The following TRMT2B variants were observed in gnomAD, a reference collection of about 807,000 sequenced individuals.
TRMT2B encodes tRNA (uracil-5-)-methyltransferase homolog B.
Under a neutral mutation model 39.7 loss-of-function variants are expected in TRMT2B, and 34 were observed. The ratio of observed to expected loss-of-function variants is 0.86; its 90% CI spans 0.65 to 1.14. TRMT2B has a LOEUF of 1.14. TRMT2B is among the 50% of genes most tolerant of loss of function. The probability of loss-of-function intolerance (pLI) is 0.00; values close to 1 mark genes in which losing one functional copy is unlikely to be tolerated. For missense variants in TRMT2B, 318 were observed against 377.2 expected, an observed-to-expected ratio of 0.84 and a Z score of 1.30; for synonymous variants, 132 against 137.3, an observed-to-expected ratio of 0.96 and a Z score of 0.27.
rs747102459 is a variant in TRMT2B, at chrX:101,027,059, C to T, written c.610-3443G>A. 9.0e-5 allele frequency among the ~76,000 whole-genome samples: 10 copies of T among 110,828 alleles called. No individual in the cohort carries two copies. The South Asian group carries it at 3.4e-3, about 38-fold the overall frequency. On this transcript the variant is annotated intron_variant, in intron 7 of 13. Coordinates refer to ENST00000372936, the MANE Select transcript of TRMT2B (RefSeq NM_024917.6). ...CATCTGAATCAAGTCACCACTACTCCGCGAAAACAGTACACATTAAGGTCA... is the reference window on the plus strand; with the variant it reads ...CATCTGAATCAAGTCACCACTACTCTGCGAAAACAGTACACATTAAGGTCA...
rs2148091797 is a variant in TRMT2B at position 101,051,293 on chromosome X, C to T, written c.-66G>A. 1.3e-6 allele frequency: 1 copy of T among 751,543 alleles called. No individual in the cohort carries two copies. The highest frequency in any genetic ancestry group is 6.9e-5 in the South Asian group (1 of 14,565). 61.9% of individuals were successfully genotyped at this position (751,543 alleles called of 1,213,427 possible). ...TCCCTTTTGGAGCAAAATGTTCACC[C>T]ACCGACAAGGGTCCTGCTTGCACTC... On this transcript the variant is annotated 5_prime_UTR_variant, in exon 2 of 14. Transcript: ENST00000372936.
rs752203432 is a variant in TRMT2B, at chrX:101,042,840, G to A, written c.-23-528C>T. On this transcript the variant is annotated intron_variant, in intron 2 of 13. Coordinates refer to ENST00000372936, the MANE Select transcript of TRMT2B (RefSeq NM_024917.6). ...TTTTTTAAGACAGTCTCATTCTGTC[G>A]CCCAGGCTGGGGTGCAGTGGCATGA... 8.1e-5 allele frequency among the ~76,000 whole-genome samples: 9 copies of A among 111,374 alleles called. No individual in the cohort carries two copies. In the South Asian group the frequency reaches 1.5e-3, roughly 19 times the overall value.
chrX:101,023,485 G>A lies in TRMT2B; in HGVS notation c.741C>T (p.Pro247=). Residue 247 remains proline, a synonymous_variant, in exon 8 of 14, where the codon CCC becomes CCT. Transcript: ENST00000372936. ...TGAGGCTCACCTGACTTAATTTCTG[G>A]GGATGGAAAGTGATGATAGCCATTG... ...GHTMAIITFH[P]QKLSQEELHV... is the part of the protein sequence containing the mutation. 2 of 1,208,208 alleles carry A rather than the reference G, an allele frequency of 1.7e-6. No individual in the cohort carries two copies. The highest frequency in any genetic ancestry group is 3.5e-5 in the South Asian group (2 of 56,725).
At position 101,049,822 on chromosome X, in the gene TRMT2B, C is replaced by T. The variant is rs181469155; in HGVS notation, c.-24+1429G>A. Reference sequence around the variant, plus strand: ...AAAGTGTGTGGCCTGTGAGAATGTACGTATTCGATATGGAGGATGGCAAAA... The same window carrying T: ...AAAGTGTGTGGCCTGTGAGAATGTATGTATTCGATATGGAGGATGGCAAAA... On this transcript the variant is annotated intron_variant, in intron 2 of 13. Coordinates refer to ENST00000372936, the MANE Select transcript of TRMT2B (RefSeq NM_024917.6). Among the ~76,000 whole-genome samples the T allele has an allele frequency of 2.6e-3, 281 of 107,613 alleles. 3 individuals are homozygous for T. Among genetic ancestry groups the T allele is most frequent in the African/African-American group, 9.0e-3 (265 of 29,567 alleles). The allele number at this position is 107,613 out of a possible 115,157, so 93.4% of individuals were successfully genotyped here. A position where few individuals can be genotyped will look rare whatever the true frequency, so the allele number is the denominator to read the frequency against.
chrX:101,023,957 C>T (rs914261274), intron 7 of TRMT2B, among the ~76,000 whole-genome samples: 8 of 111,256 alleles, frequency 7.2e-5, no homozygotes, highest in Non-Finnish European at 1.5e-4. Context: ...AAGCAATTCT[C>T]CTGCCTCAGC....
the TRMT2B span, among the ~76,000 whole-genome samples, chrX:100,999,646 A>G: frequency 6.2e-5 from 7 of 112,315 alleles, no homozygotes; most frequent in African/African-American, 2.3e-4. Context: ...AGTGATTGTG[A>G]TGACTCAGCT....
chrX:100,983,773 CAGAAG>C, the TRMT2B span, among the ~76,000 whole-genome samples: 1 of 111,564 alleles, frequency 9.0e-6, no homozygotes, highest in African/African-American at 3.3e-5. Context: ...AACATGAAAT[CAGAAG>C]AGATGTTATG....
chrX:101,013,755 A>G (rs1894479630), intron 13 of TRMT2B: 1 of 110,829 alleles, frequency 9.0e-6, no homozygotes, highest in Non-Finnish European at 1.9e-5. Context: ...AAAAAAAAAA[A>G]AAAAAAGAAA....
the TRMT2B span, chrX:100,990,578 A>G: frequency 8.6e-6 from 10 of 1,156,782 alleles, no homozygotes; most frequent in Admixed American, 2.7e-5. Flanking sequence ...AATCAATCCT[A>G]TACTCACTGA....
chrX:101,046,888 T>C (rs1160988410), intron 2 of TRMT2B, among the ~76,000 whole-genome samples: 3 of 110,076 alleles, frequency 2.7e-5, no homozygotes, highest in East Asian at 2.9e-4. Context: ...ATCACGCCAT[T>C]GCACTCCAGC....
In TRMT2B at chrX:101,037,976, T is replaced by C; in HGVS notation, c.379A>G (p.Thr127Ala). ...YIQMLNGVSV[T>A]TAVPKSERLS... Reference sequence around the variant, plus strand: ...CTCTCAGATTTGGGTACAGCCGTTGTCACACTGACTCCATTGAGCATTTGG... The same window carrying C: ...CTCTCAGATTTGGGTACAGCCGTTGCCACACTGACTCCATTGAGCATTTGG... The change falls in exon 5 of 14, where the codon ACA becomes GCA. Residue 127 changes from threonine to alanine, a missense_variant. Thr to Ala is a moderately conservative substitution (Grantham distance 58). Transcript: ENST00000372936. 8.3e-7 allele frequency: 1 copy of C among 1,208,881 alleles called. No individual in the cohort carries two copies. Among genetic ancestry groups the C allele is most frequent in the Middle Eastern group, 2.3e-4 (1 of 4,352 alleles).
intron 2 of TRMT2B, among the ~76,000 whole-genome samples, chrX:101,049,297 C>A (rs1207507963): frequency 9.2e-6 from 1 of 108,856 alleles, no homozygotes; most frequent in Non-Finnish European, 1.9e-5. Flanking sequence ...AGTTTGAGAC[C>A]AGTCTGGGCA....
rs1323151891 is a variant in TRMT2B, at chrX:101,020,580, C to G, written c.1075G>C (p.Gly359Arg). ...GATGTATGCTGAGCCAGAGAGAGGCCAATCACACCTGAAGAAGTAAACGAG... is the reference window on the plus strand; with the variant it reads ...GATGTATGCTGAGCCAGAGAGAGGCGAATCACACCTGAAGAAGTAAACGAG... ...LDICCGTGVI[G>R]LSLAQHTSRV... The change falls in exon 11 of 14, where the codon GGC becomes CGC. Residue 359 changes from glycine (G) to arginine (R), a missense_variant. Transcript: ENST00000372936. The G allele has an allele frequency of 2.5e-6, 3 of 1,194,434 alleles. No individual in the cohort carries two copies. The highest frequency in any genetic ancestry group is 3.4e-6 in the Non-Finnish European group (3 of 880,969).
the TRMT2B span, among the ~76,000 whole-genome samples, chrX:100,978,562 C>G: frequency 4.5e-3 from 493 of 110,707 alleles, 7 homozygotes; most frequent in Middle Eastern, 0.014. Flanking sequence ...AATTTTCTAT[C>G]CCTTTCAGTC....
chrX:101,027,870 T>G (rs1485524880), intron 7 of TRMT2B, among the ~76,000 whole-genome samples: 1 of 111,007 alleles, frequency 9.0e-6, no homozygotes, highest in African/African-American at 3.3e-5. Context: ...TCTACCAGTC[T>G]TTCCAGTCTC....
chrX:101,001,746 G>A, the TRMT2B span, among the ~76,000 whole-genome samples: 6 of 105,361 alleles, frequency 5.7e-5, no homozygotes, highest in African/African-American at 1.8e-4. Flanking sequence ...TAGAAAATTT[G>A]AGCATCAAAA....
intron 7 of TRMT2B, among the ~76,000 whole-genome samples, chrX:101,025,197 C>A (rs1213358283): frequency 1.8e-5 from 2 of 111,545 alleles, no homozygotes; most frequent in African/African-American, 6.5e-5. Context: ...AAATAATCTT[C>A]CCTTTCTGTG....
chrX:100,991,447 C>T, the TRMT2B span, among the ~76,000 whole-genome samples: 1 of 110,922 alleles, frequency 9.0e-6, no homozygotes, highest in Non-Finnish European at 1.9e-5. Flanking sequence ...GGCGTGATCT[C>T]GACTCACTGC....
chrX:100,981,969 T>C, the TRMT2B span, among the ~76,000 whole-genome samples: 4 of 109,693 alleles, frequency 3.6e-5, no homozygotes, highest in Non-Finnish European at 3.8e-5. Flanking sequence ...TATGCCGCCA[T>C]CTCCAAGTCA....
Sources: allele counts gnomAD v4.1 joint callset (sites outside exome capture counted in the v4.1 genomes callset), GRCh38; gene constraint gnomAD v4.1.1; transcripts MANE v1.5; gene names NCBI Gene and HGNC (gene_info 2026-07-23, HGNC 2026-07-21).